Variants in LRP12 observed in about 807,000 individuals in gnomAD.
LRP12 encodes the protein LDL receptor related protein 12, also known as low-density lipoprotein receptor-related protein 12.
A neutral mutation model predicts 66.0 loss-of-function variants in LRP12; 14 were observed. The ratio of observed to expected loss-of-function variants is 0.21; its 90% CI spans 0.14 to 0.33. LRP12 has a LOEUF of 0.33. Ranked by LOEUF, LRP12 falls within the 10% of genes least tolerant of loss-of-function variation. The pLI, the probability that LRP12 is intolerant of heterozygous loss-of-function variation, is 1.00. For missense variants in LRP12, 889 were observed against 1,053.4 expected (o/e 0.84, Z 2.16); for synonymous variants, 357 against 359.1 (o/e 0.99, Z 0.07).
intron 1 of LRP12, among the ~76,000 whole-genome samples, chr8:104,588,497 G>A (rs1290143160): frequency 6.6e-6 from 1 of 152,166 alleles, no homozygotes; most frequent in Non-Finnish European, 1.5e-5. Flanking sequence ...GCCAGGCTAC[G>A]GGTCCTGGAG....
At chr8:104,570,509 G>A (rs1461868772) in intron 1 of LRP12, among the ~76,000 whole-genome samples, 1 of 152,108 alleles carries the variant, frequency 6.6e-6, no homozygotes, top group Non-Finnish European at 1.5e-5. Flanking sequence ...AACGTGCAAA[G>A]GCAGCTCAAT....
intron 2 of LRP12, among the ~76,000 whole-genome samples, chr8:104,510,161 T>C (rs886742878): frequency 6.6e-6 from 1 of 152,222 alleles, no homozygotes; most frequent in African/African-American, 2.4e-5. Context: ...CTTAGGAGCA[T>C]AATGCTGCTT....
At chr8:104,551,431 G>A (rs1225906081) in intron 1 of LRP12, among the ~76,000 whole-genome samples, 1 of 152,100 alleles carries the variant, frequency 6.6e-6, no homozygotes, top group Non-Finnish European at 1.5e-5. Flanking sequence ...TGGGTAGATT[G>A]TGTGATGCTG....
chr8:104,536,535 T>G (rs1811394810), intron 1 of LRP12, among the ~76,000 whole-genome samples: 1 of 152,032 alleles, frequency 6.6e-6, no homozygotes, highest in East Asian at 1.9e-4. Context: ...ACTTAGTCCA[T>G]GTAAGTAAGA....
chr8:104,533,674 A>G (rs1026349984), intron 1 of LRP12, among the ~76,000 whole-genome samples: 2 of 152,032 alleles, frequency 1.3e-5, no homozygotes, highest in Non-Finnish European at 2.9e-5. Context: ...GAGAGTTTTA[A>G]TATCAGATTT....
At chr8:104,496,947 C>T in intron 5 of LRP12, 25 bp downstream of exon 5, 1 of 1,479,294 alleles carries the variant, frequency 6.8e-7, no homozygotes, top group South Asian at 1.5e-5. Context: ...TTATTGAGGC[C>T]CAATAGTTCT....
chr8:104,567,023 G>A (rs1369059317), intron 1 of LRP12, among the ~76,000 whole-genome samples: 2 of 150,972 alleles, frequency 1.3e-5, no homozygotes, highest in Non-Finnish European at 1.5e-5. Context: ...AAACAAAAAT[G>A]ACAGGACAAA....
At chr8:104,563,698 A>G (rs887137029) in intron 1 of LRP12, among the ~76,000 whole-genome samples, 1 of 152,124 alleles carries the variant, frequency 6.6e-6, no homozygotes, top group African/African-American at 2.4e-5. Flanking sequence ...AAGGGACCCC[A>G]GAGAACTAGC....
intron 1 of LRP12, among the ~76,000 whole-genome samples, chr8:104,575,901 C>G (rs1188490313): frequency 6.6e-6 from 1 of 152,044 alleles, no homozygotes; most frequent in Non-Finnish European, 1.5e-5. Context: ...AACTGACAGA[C>G]AACAGCCACT....
intron 1 of LRP12, among the ~76,000 whole-genome samples, chr8:104,557,017 A>T (rs554518929): frequency 6.6e-6 from 1 of 152,174 alleles, no homozygotes; most frequent in Non-Finnish European, 1.5e-5. Flanking sequence ...AAAAATCACA[A>T]TCATCTCAAT....
At chr8:104,495,436 A>C (rs569184459) in intron 5 of LRP12, 2 of 412,042 alleles carry the variant, frequency 4.9e-6, no homozygotes, top group East Asian at 3.7e-5. Context: ...AGAAGCCTAG[A>C]TCACTGAGTT....
chr8:104,539,958 C>G (rs1216435996), intron 1 of LRP12, among the ~76,000 whole-genome samples: 1 of 152,136 alleles, frequency 6.6e-6, no homozygotes, highest in Non-Finnish European at 1.5e-5. Flanking sequence ...GCCAAAAAGG[C>G]AGGCTTGATA....
chr8:104,509,502 C>T (rs1420276717), intron 2 of LRP12, among the ~76,000 whole-genome samples: 1 of 152,194 alleles, frequency 6.6e-6, no homozygotes, highest in East Asian at 1.9e-4. Context: ...GTGTATGCTA[C>T]CCACCCATTA....
chr8:104,543,103 A>G (rs1811503700), intron 1 of LRP12, among the ~76,000 whole-genome samples: 1 of 151,962 alleles, frequency 6.6e-6, no homozygotes, highest in East Asian at 1.9e-4. Flanking sequence ...ATTCTCATTT[A>G]AGGAACTAAA....
intron 1 of LRP12, among the ~76,000 whole-genome samples, chr8:104,577,850 C>G (rs993337416): frequency 1.3e-5 from 2 of 149,782 alleles, no homozygotes; most frequent in Non-Finnish European, 3.0e-5. Context: ...TCTTGGAAAC[C>G]AATGGAACAA....
intron 2 of LRP12, among the ~76,000 whole-genome samples, chr8:104,521,929 C>A (rs1209622412): frequency 1.3e-5 from 2 of 151,712 alleles, no homozygotes; most frequent in Admixed American, 6.6e-5. Flanking sequence ...GTGCAAAGGA[C>A]CATTTGACCT....
At chr8:104,492,541 C>T (rs957620758) in intron 6 of LRP12, among the ~76,000 whole-genome samples, 5 of 152,122 alleles carry the variant, frequency 3.3e-5, no homozygotes, top group African/African-American at 1.2e-4. Flanking sequence ...GATACCATCT[C>T]CTGCCAAAAC....
At chr8:104,572,076 A>T (rs1381787466) in intron 1 of LRP12, among the ~76,000 whole-genome samples, 1 of 152,270 alleles carries the variant, frequency 6.6e-6, no homozygotes, top group Non-Finnish European at 1.5e-5. Context: ...ATAAAATGGC[A>T]AGGAATAAAA....
chr8:104,564,441 G>A lies in LRP12; in HGVS notation c.79+24378C>T, dbSNP rs77128151. ...GAGCTTTTAGACATTCTAGAATCGC[G>A]CATTATGTACAAAATTTTCTGTGAA... On this transcript the variant is annotated intron_variant, in intron 1 of 6. Coordinates refer to ENST00000276654, the MANE Select transcript of LRP12 (RefSeq NM_013437.5). Among the ~76,000 whole-genome samples the A allele has an allele frequency of 4.9e-3, 750 of 152,116 alleles. 8 individuals are homozygous for A. The highest frequency in any genetic ancestry group is 0.017 in the African/African-American group (710 of 41,508).
Sources: allele counts gnomAD v4.1 joint callset (sites outside exome capture counted in the v4.1 genomes callset), GRCh38; gene constraint gnomAD v4.1.1; transcripts MANE v1.5; gene names NCBI Gene and HGNC (gene_info 2026-07-23, HGNC 2026-07-21).